The following PRDM16 variants were observed in gnomAD, a reference collection of about 807,000 sequenced individuals.
PRDM16 encodes the protein histone-lysine N-methyltransferase PRDM16.
In PRDM16, 23 loss-of-function variants were observed where a neutral mutation model predicts 110.6. The ratio of observed to expected loss-of-function variants is 0.21; its 90% CI spans 0.15 to 0.29. The LOEUF is 0.29. Among genes scored for constraint, PRDM16 ranks in the 10% least tolerant of loss-of-function variants. The pLI is 1.00. For synonymous variants in PRDM16, 799 were observed against 781.8 expected (o/e 1.02, Z -0.37); for missense variants, 1,615 against 1,794.3 (o/e 0.90, Z 1.81).
At chr1:3,287,356 TGGAGCCGCC>T (rs1640874569) in intron 3 of PRDM16, among the ~76,000 whole-genome samples, 4 of 103,766 alleles carry the variant, frequency 3.9e-5, no homozygotes, top group African/African-American at 4.0e-5. Context: ...TTACCGGGGC[TGGAGCCGCC>T]CCGCCACGCG....
chr1:3,423,581 G>A (rs1399498440), intron 12 of PRDM16, among the ~76,000 whole-genome samples: 1 of 152,236 alleles, frequency 6.6e-6, no homozygotes, highest in Non-Finnish European at 1.5e-5. Flanking sequence ...ATGTGACAAG[G>A]GCATGTGACC....
intron 1 of PRDM16, among the ~76,000 whole-genome samples, chr1:3,103,227 T>C (rs763927186): frequency 1.3e-5 from 2 of 152,180 alleles, no homozygotes; most frequent in East Asian, 3.9e-4. Flanking sequence ...AGTTTGTTTT[T>C]TCAAAACAAA....
In PRDM16 at chr1:3,069,308, G is replaced by C; in HGVS notation, c.37+12G>C. 2.2e-6 allele frequency: 3 copies of C among 1,392,534 alleles called. No homozygotes were observed. The highest frequency in any genetic ancestry group is 2.8e-6 in the Non-Finnish European group (3 of 1,055,052). The allele number at this position is 1,392,534 out of a possible 1,614,324, so 86.3% of individuals were successfully genotyped here. A position where few individuals can be genotyped will look rare whatever the true frequency, so the allele number is the denominator to read the frequency against. ...GAAGCTAGCCAAAAGTAAGTCTCCC[G>C]CGCTCGGCCGCGCCGCGCCGCCGGG... On this transcript the variant is annotated intron_variant, in intron 1 of 16. Transcript: ENST00000270722. The surrounding 1 kb of genome is among the most constrained non-coding windows in gnomAD (Gnocchi z 6.1).
At chr1:3,108,342 AAC>A (rs1437137509) in intron 1 of PRDM16, among the ~76,000 whole-genome samples, 1 of 152,184 alleles carries the variant, frequency 6.6e-6, no homozygotes, top group Non-Finnish European at 1.5e-5. Flanking sequence ...GTAGGGATCT[AAC>A]TTTTCTTTCA....
chr1:3,305,318 G>A (rs1641288931), intron 3 of PRDM16, among the ~76,000 whole-genome samples: 1 of 152,188 alleles, frequency 6.6e-6, no homozygotes, highest in African/African-American at 2.4e-5. Flanking sequence ...CACATGCAGG[G>A]ACCTGATGGG....
intron 3 of PRDM16, among the ~76,000 whole-genome samples, chr1:3,272,979 C>T (rs1444471524): frequency 1.3e-5 from 2 of 152,206 alleles, no homozygotes; most frequent in Admixed American, 6.5e-5. Context: ...GTCATGGGAC[C>T]GTCCTGGGGG....
At chr1:3,167,421 G>T (rs1187831976) in intron 1 of PRDM16, among the ~76,000 whole-genome samples, 1 of 152,110 alleles carries the variant, frequency 6.6e-6, no homozygotes, top group Non-Finnish European at 1.5e-5. Flanking sequence ...GCTGGGGGCT[G>T]GAGGAGGTCC....
intron 2 of PRDM16, chr1:3,207,811 G>A (rs886581660): frequency 2.6e-5 from 4 of 152,220 alleles, no homozygotes; most frequent in Admixed American, 1.3e-4. Context: ...AGTTTCGAGT[G>A]TGAAATAGAG....
chr1:3,425,770 G>T lies in PRDM16; in HGVS notation c.3109+20G>T. ...CACCAGGTGGGCCACGCGGGGTGGG[G>T]CAGCCCCCAGAGCACCCACACGGGC... On this transcript the variant is annotated intron_variant, in intron 13 of 16. Coordinates refer to ENST00000270722, the MANE Select transcript of PRDM16 (RefSeq NM_022114.4). The surrounding 1 kb of genome is among the most constrained non-coding windows in gnomAD (Gnocchi z 6.9). 2.5e-6 allele frequency: 4 copies of T among 1,612,400 alleles called. No individual in the cohort carries two copies. The highest frequency in any genetic ancestry group is 3.4e-6 in the Non-Finnish European group (4 of 1,179,478).
rs192501272 is a variant in PRDM16, at chr1:3,104,637, C to T, written c.37+35341C>T. On this transcript the variant is annotated intron_variant, in intron 1 of 16. Coordinates refer to ENST00000270722, the MANE Select transcript of PRDM16 (RefSeq NM_022114.4). ...TGCCAGCGGCCCTCTCCCCAGACCCCTTCTGCCCCCTTCATTCAGAGCTGC... is the reference window on the plus strand; with the variant it reads ...TGCCAGCGGCCCTCTCCCCAGACCCTTTCTGCCCCCTTCATTCAGAGCTGC... Among the ~76,000 whole-genome samples, 445 of 118,438 alleles carry T rather than the reference C, an allele frequency of 3.8e-3. 1 individual carries two copies. The highest frequency in any genetic ancestry group is 0.015 in the African/African-American group (425 of 27,502). 77.7% of individuals were successfully genotyped at this position (118,438 alleles called of 152,430 possible).
At chr1:3,410,730 C>T (rs984906768) in intron 8 of PRDM16, among the ~76,000 whole-genome samples, 1 of 152,186 alleles carries the variant, frequency 6.6e-6, no homozygotes, top group African/African-American at 2.4e-5. Flanking sequence ...TGCCCCCACC[C>T]CTGCTAGAAC....
At chr1:3,307,217 T>C (rs1641335811) in intron 3 of PRDM16, 1 of 152,212 alleles carries the variant, frequency 6.6e-6, no homozygotes, top group African/African-American at 2.4e-5. Context: ...TGCTGGGTCA[T>C]GGGACTCCTG....
intron 6 of PRDM16, among the ~76,000 whole-genome samples, chr1:3,404,071 C>A (rs76097619): frequency 9.2e-5 from 14 of 152,290 alleles, no homozygotes; most frequent in Admixed American, 1.3e-4. Flanking sequence ...GGGAACCAGG[C>A]GTTTCTGATC....
intron 2 of PRDM16, among the ~76,000 whole-genome samples, chr1:3,214,936 C>A (rs1557534414): frequency 6.6e-6 from 1 of 152,168 alleles, no homozygotes; most frequent in Non-Finnish European, 1.5e-5. Context: ...CCCTGGGCAT[C>A]GTCCCCCAAA....
At chr1:3,283,490 C>T (rs1046871866) in intron 3 of PRDM16, among the ~76,000 whole-genome samples, 1 of 152,250 alleles carries the variant, frequency 6.6e-6, no homozygotes, top group Admixed American at 6.5e-5. Flanking sequence ...AAAGAACAGC[C>T]TCTGCCCCAC....
In PRDM16 at chr1:3,435,781, G is replaced by C. The variant is rs748918634; in HGVS notation, c.*1970G>C. The C allele has an allele frequency of 3.9e-5, 9 of 232,346 alleles. No homozygotes were observed. The highest frequency in any genetic ancestry group is 5.6e-5 in the Admixed American group (1 of 17,746). 14.4% of individuals were successfully genotyped at this position (232,346 alleles called of 1,614,324 possible). A position where few individuals can be genotyped will look rare whatever the true frequency, so the allele number is the denominator to read the frequency against. Reference sequence around the variant, plus strand: ...AAGACAATCGTCTCTGTGGGTGCCGGGTGGTCCAGGCTTGCACTGAAGACG... The same window carrying C: ...AAGACAATCGTCTCTGTGGGTGCCGCGTGGTCCAGGCTTGCACTGAAGACG... On this transcript the variant is annotated 3_prime_UTR_variant, in exon 17 of 17. Transcript: ENST00000270722.
chr1:3,142,567 C>G (rs1017409995), intron 1 of PRDM16, among the ~76,000 whole-genome samples: 5 of 152,300 alleles, frequency 3.3e-5, no homozygotes, highest in Non-Finnish European at 7.3e-5. Flanking sequence ...GCGTGTGGCA[C>G]CCAGACGTTG....
At chr1:3,432,772 T>G (rs1329845617) in intron 16 of PRDM16, among the ~76,000 whole-genome samples, 1 of 152,200 alleles carries the variant, frequency 6.6e-6, no homozygotes, top group Non-Finnish European at 1.5e-5. Context: ...GTCTTTTTAC[T>G]AATTCTGTCT....
chr1:3,272,453 G>A (rs1018029858), intron 3 of PRDM16, among the ~76,000 whole-genome samples: 1 of 152,132 alleles, frequency 6.6e-6, no homozygotes, highest in Non-Finnish European at 1.5e-5. Context: ...TCCTGGGCAC[G>A]GCGGCTAGAG....
Sources: gnomAD v4.1 joint callset for allele counts (sites outside exome capture counted in the v4.1 genomes callset) on GRCh38, gnomAD v4.1.1 for gene constraint, Gnocchi (gnomAD v3.1) non-coding constraint, MANE v1.5 for transcripts, NCBI Gene and HGNC (gene_info 2026-07-23, HGNC 2026-07-21) for gene names.